The following ING3 variants were observed in gnomAD, a reference collection of about 807,000 sequenced individuals.
The protein encoded by ING3 is inhibitor of growth protein 3.
Under a neutral mutation model 64.8 loss-of-function variants are expected in ING3, and 6 were observed. The observed-to-expected ratio is 0.09, with a 90% CI of 0.05 to 0.18. The LOEUF is 0.18. Among genes scored for constraint, ING3 ranks in the 10% least tolerant of loss-of-function variants. The probability of loss-of-function intolerance (pLI) is 1.00; values close to 1 mark genes in which losing one functional copy is unlikely to be tolerated. For synonymous variants in ING3, 170 were observed against 173.7 expected, an observed-to-expected ratio of 0.98 and a Z score of 0.17; for missense variants, 310 against 489.7, an observed-to-expected ratio of 0.63 and a Z score of 3.46.
Position 120,955,541 on chromosome 7 carries a change from G to GA in ING3, c.202-14dup, listed in dbSNP as rs1244594346. On this transcript the variant is annotated splice_polypyrimidine_tract_variant and intron_variant, in intron 3 of 11. Transcript: ENST00000315870. ...AAAATGATTAATTTATTTTTGAAAT[G>GA]AAAATGTTTTCATTCAGGACTACTA... is the stretch of plus-strand genomic sequence containing the variant. 3 of 1,555,694 alleles carry GA rather than the reference G, an allele frequency of 1.9e-6. No individual in the cohort carries two copies. In the Admixed American group the frequency reaches 5.3e-5, roughly 27 times the overall value.
At position 120,970,857 on chromosome 7, in the gene ING3, C is replaced by G; in HGVS notation, c.1078C>G (p.Pro360Ala). 1 of 1,596,250 alleles carries G rather than the reference C, an allele frequency of 6.3e-7. No individual in the cohort carries two copies. The highest frequency in any genetic ancestry group is 8.6e-7 in the Non-Finnish European group (1 of 1,163,714). ...QVDWTYDPNE[P>A]RYCICNQVSY... ...TGATTGGACTTACGACCCAAATGAA[C>G]CTCGATACTGCATTTGTAATCAGGT... Residue 360 changes from proline to alanine, a missense_variant, in exon 10 of 12, where the codon CCT (proline) becomes GCT (alanine). Physicochemically the swap from Pro to Ala is conservative, Grantham distance 27. Coordinates refer to ENST00000315870, the MANE Select transcript of ING3 (RefSeq NM_019071.3).
rs529406193 is a variant in ING3, at chr7:120,957,304, G to A, written c.267+1680G>A. Among the ~76,000 whole-genome samples, 4 of 152,050 alleles carry A rather than the reference G, an allele frequency of 2.6e-5. No homozygotes were observed. In the South Asian group the frequency reaches 8.3e-4, roughly 32 times the overall value. ...GGAGAATGGCGGGAACCCGGGAGGC[G>A]GAGCTTGCAGTGAGCAGAGATCGCG... On this transcript the variant is annotated intron_variant, in intron 4 of 11. Coordinates refer to ENST00000315870, the MANE Select transcript of ING3 (RefSeq NM_019071.3).
chr7:120,951,456 G>A (rs1265802200), intron 2 of ING3, among the ~76,000 whole-genome samples: 50 of 152,198 alleles, frequency 3.3e-4, no homozygotes, highest in Non-Finnish European at 4.4e-5. Context: ...ATTGGGACAC[G>A]TGTATTCCTT....
At chr7:120,974,615 AC>A (rs1168919941) in intron 11 of ING3, 112 bp from the exon 12 acceptor site, 5 of 548,514 alleles carry the variant, frequency 9.1e-6, no homozygotes, top group African/African-American at 7.7e-5. Flanking sequence ...CTGATGTCAC[AC>A]ATCTAATTAT....
At chr7:120,964,687 A>T in intron 4 of ING3, 55 bp from the exon 5 acceptor site, 1 of 1,389,840 alleles carries the variant, frequency 7.2e-7, no homozygotes, top group Non-Finnish European at 1.0e-6. Flanking sequence ...CATTAAGCTG[A>T]CACTTTAACA....
intron 2 of ING3, 104 bp downstream of exon 2, chr7:120,951,339 A>C: frequency 1.9e-6 from 2 of 1,065,910 alleles, no homozygotes; most frequent in East Asian, 2.4e-5. Flanking sequence ...CCTCTGGCTC[A>C]CTCCGCTAGT....
At chr7:120,952,957 G>A (rs1184632958) in intron 2 of ING3, among the ~76,000 whole-genome samples, 1 of 151,906 alleles carries the variant, frequency 6.6e-6, no homozygotes, top group East Asian at 1.9e-4. Flanking sequence ...TTATCTAATG[G>A]TGTTTTAATT....
chr7:120,971,530 T>A (rs1796069894), intron 10 of ING3, among the ~76,000 whole-genome samples: 1 of 152,210 alleles, frequency 6.6e-6, no homozygotes, highest in African/African-American at 2.4e-5. Flanking sequence ...TGCATGTGTG[T>A]ATAAGTTTGT....
At chr7:120,963,475 A>G (rs1043656214) in intron 4 of ING3, among the ~76,000 whole-genome samples, 1 of 152,140 alleles carries the variant, frequency 6.6e-6, no homozygotes, top group Non-Finnish European at 1.5e-5. Flanking sequence ...CTGCATGCAG[A>G]AAGTTCAGAG....
intron 11 of ING3, among the ~76,000 whole-genome samples, chr7:120,974,048 G>A (rs1027804613): frequency 6.6e-6 from 1 of 152,108 alleles, no homozygotes; most frequent in African/African-American, 2.4e-5. Context: ...GCTGTTTGTG[G>A]TTGTTGCAAA....
Position 120,976,744 on chromosome 7 carries a change from T to G in ING3, c.*1900T>G, listed in dbSNP as rs1796139872. ...CTTTGTCTGAGTCAGGAACATCCTG[T>G]TATCCAGCTGCTACATCCCCTTTCA... On this transcript the variant is annotated 3_prime_UTR_variant, in exon 12 of 12. Coordinates refer to ENST00000315870, the MANE Select transcript of ING3 (RefSeq NM_019071.3). 1 of 152,190 alleles carries G rather than the reference T, an allele frequency of 6.6e-6. No individual in the cohort carries two copies. Among genetic ancestry groups the G allele is most frequent in the African/African-American group, 2.4e-5 (1 of 41,456 alleles). 9.4% of individuals were successfully genotyped at this position (152,190 alleles called of 1,614,324 possible). A position where few individuals can be genotyped will look rare whatever the true frequency, so the allele number is the denominator to read the frequency against.
At chr7:120,951,076 C>T in intron 1 of ING3, 88 bp from the exon 2 acceptor site, 1 of 1,541,842 alleles carries the variant, frequency 6.5e-7, no homozygotes, top group East Asian at 2.3e-5. Flanking sequence ...CTGCCGGCCC[C>T]CTCGACCCCC....
At position 120,967,936 on chromosome 7, in the gene ING3, T is replaced by A; in HGVS notation, c.559T>A (p.Cys187Ser). 6 of 1,614,056 alleles carry A rather than the reference T, an allele frequency of 3.7e-6. No individual in the cohort carries two copies. The South Asian group carries it at 6.6e-5, about 18-fold the overall frequency. The change falls in exon 8 of 12, where the codon TGT (cysteine) becomes AGT (serine). Residue 187 changes from cysteine (C) to serine (S), a missense_variant and splice_region_variant. Physicochemically the swap from Cys to Ser is moderately radical, Grantham distance 112. This residue lies in a region of ING3 where 233 missense variants were observed against 289.4 expected (regional missense o/e 0.81). Coordinates refer to ENST00000315870, the MANE Select transcript of ING3 (RefSeq NM_019071.3). ...SDASKENTLG[C>S]RNNNSTASSN... ...ATTTCTTTTTTACATCTACACAGGTTGTCGAAATAATAATTCCACAGCCTC... is the reference window on the plus strand; with the variant it reads ...ATTTCTTTTTTACATCTACACAGGTAGTCGAAATAATAATTCCACAGCCTC...
At chr7:120,973,762 T>G (rs1584996337) in intron 11 of ING3, among the ~76,000 whole-genome samples, 1 of 152,304 alleles carries the variant, frequency 6.6e-6, no homozygotes, top group African/African-American at 2.4e-5. Context: ...GAAGGAATTC[T>G]TGGTTTTTAG....
chr7:120,971,109 A>G (rs2074577), intron 10 of ING3, among the ~76,000 whole-genome samples: 62,389 of 152,078 alleles, frequency 0.41, 15,542 homozygotes, highest in African/African-American at 0.7. Context: ...CATTTTTGGT[A>G]TACCACTACC....
rs771836442 is a variant in ING3 at position 120,970,676 on chromosome 7, T to C, written c.909-12T>C. The C allele has an allele frequency of 5.0e-6, 8 of 1,613,034 alleles. No individual in the cohort carries two copies. Among genetic ancestry groups the C allele is most frequent in the Non-Finnish European group, 6.8e-6 (8 of 1,179,392 alleles). ...GATGGTGAGCAAATAAAACTTATAC[T>C]ATTTTTTTCAGAAACAACAACAAGT... On this transcript the variant is annotated splice_polypyrimidine_tract_variant and intron_variant, in intron 9 of 11. Transcript: ENST00000315870.
chr7:120,956,143 A>C, intron 4 of ING3: 1 of 1,569,194 alleles, frequency 6.4e-7, no homozygotes, highest in South Asian at 1.1e-5. Flanking sequence ...ACTTTAAACA[A>C]GATTCTTTTT....
chr7:120,955,241 G>T (rs1795828400), intron 3 of ING3, among the ~76,000 whole-genome samples: 1 of 152,110 alleles, frequency 6.6e-6, no homozygotes, highest in Non-Finnish European at 1.5e-5. Flanking sequence ...CACTTCTTGT[G>T]CCTCAACCTC....
chr7:120,971,084 C>G (rs754456899), intron 10 of ING3, among the ~76,000 whole-genome samples: 1 of 152,200 alleles, frequency 6.6e-6, no homozygotes, highest in Non-Finnish European at 1.5e-5. Flanking sequence ...CCCTCAGATA[C>G]AACCTGTAAC....
Sources: allele counts gnomAD v4.1 joint callset (sites outside exome capture counted in the v4.1 genomes callset), GRCh38; gene constraint gnomAD v4.1.1; regional missense constraint gnomAD v4.1.1; transcripts MANE v1.5; gene names NCBI Gene and HGNC (gene_info 2026-07-23, HGNC 2026-07-21).